The following RIF1 variants were observed in gnomAD, a reference collection of about 807,000 sequenced individuals.
RIF1 encodes the protein telomere-associated protein RIF1.
Under a neutral mutation model 247.1 loss-of-function variants are expected in RIF1, and 45 were observed. The observed-to-expected ratio is 0.18, with a 90% CI of 0.14 to 0.23. The LOEUF (loss-of-function observed/expected upper bound fraction) is 0.23, where lower values mean the gene tolerates loss of function less well. Ranked by LOEUF, RIF1 falls within the 10% of genes least tolerant of loss-of-function variation. RIF1 has a pLI of 1.00. For synonymous variants in RIF1, 1,087 were observed against 978.8 expected, an observed-to-expected ratio of 1.11 and a Z score of -2.06; for missense variants, 2,967 against 2,862.5, an observed-to-expected ratio of 1.04 and a Z score of -0.83.
intron 15 of RIF1, among the ~76,000 whole-genome samples, chr2:151,441,526 T>C (rs144241325): frequency 2.6e-3 from 391 of 152,352 alleles, no homozygotes; most frequent in African/African-American, 8.7e-3. Context: ...ATATCATTAG[T>C]GATTTACAGT....
At chr2:151,455,772 G>A (rs922394507) in intron 22 of RIF1, among the ~76,000 whole-genome samples, 63 of 152,120 alleles carry the variant, frequency 4.1e-4, no homozygotes, top group African/African-American at 1.5e-3. Flanking sequence ...GGAATTAGCC[G>A]CCACCATGCC....
chr2:151,498,577 G>A (rs1363912300), intron 10 of RIF1, among the ~76,000 whole-genome samples: 3 of 152,102 alleles, frequency 2.0e-5, no homozygotes, highest in African/African-American at 7.2e-5. Context: ...AAGAAAGGTT[G>A]TTATTTTCAT....
chr2:151,416,989 G>A (rs6735771), intron 6 of RIF1, 88 bp downstream of exon 6: 587,132 of 891,510 alleles, frequency 0.66, 194,909 homozygotes, highest in South Asian at 0.8. Flanking sequence ...ATGAGAGACA[G>A]ACATTAAAAG....
downstream of RIF1, among the ~76,000 whole-genome samples, chr2:151,483,900 GT>G (rs1437878842): frequency 1.3e-5 from 2 of 152,208 alleles, no homozygotes; most frequent in Non-Finnish European, 2.9e-5. Flanking sequence ...AGGTGGAACA[GT>G]TTCGTTCCCC....
At chr2:151,494,328 A>G (rs897856145) in intron 9 of RIF1, 3 of 982,766 alleles carry the variant, frequency 3.1e-6, no homozygotes, top group African/African-American at 3.3e-5. Flanking sequence ...AATGGTACAG[A>G]TAACTTTTGA....
chr2:151,424,426 A>G (rs1401224274), intron 8 of RIF1, among the ~76,000 whole-genome samples: 2 of 152,212 alleles, frequency 1.3e-5, no homozygotes, highest in South Asian at 2.1e-4. Context: ...AGATTTATCC[A>G]TGTCATAACA....
intron 9 of RIF1, chr2:151,493,268 G>A (rs2057967276): frequency 9.5e-7 from 1 of 1,048,154 alleles, no homozygotes; most frequent in Non-Finnish European, 1.4e-6. Context: ...GTGTTTTTCA[G>A]TTGAATGAGA....
intron 6 of RIF1, among the ~76,000 whole-genome samples, chr2:151,418,968 CTTTTTTTTTTTTTT>C (rs36020810): frequency 8.9e-6 from 1 of 111,774 alleles, no homozygotes; most frequent in African/African-American, 3.3e-5. Flanking sequence ...GCCTTAAATT[CTTTTTTTTTTTTTT>C]TTTTTTTTTA....
At chr2:151,487,913 A>T (rs1039939196) in intron 9 of RIF1, among the ~76,000 whole-genome samples, 1 of 152,096 alleles carries the variant, frequency 6.6e-6, no homozygotes, top group Non-Finnish European at 1.5e-5. Flanking sequence ...TCCTGACCTA[A>T]TTTTTTAAGT....
intron 3 of RIF1, among the ~76,000 whole-genome samples, chr2:151,414,300 A>T (rs1040339176): frequency 1.4e-5 from 2 of 148,106 alleles, no homozygotes; most frequent in African/African-American, 2.5e-5. Context: ...AAAAAAAAAA[A>T]TTTCTAGATT....
chr2:151,449,879 G>T (rs1024481138), intron 20 of RIF1, among the ~76,000 whole-genome samples: 4 of 128,758 alleles, frequency 3.1e-5, no homozygotes, highest in Admixed American at 9.0e-5. Context: ...TTTCACTCTT[G>T]TTGTCCAGGC....
chr2:151,442,905 G>A (rs183558083), intron 16 of RIF1, among the ~76,000 whole-genome samples: 4 of 151,076 alleles, frequency 2.6e-5, no homozygotes, highest in East Asian at 3.9e-4. Flanking sequence ...CCGAGTAGCT[G>A]GGACTACAGG....
intron 13 of RIF1, 115 bp from the exon 14 acceptor site, chr2:151,438,569 A>G: frequency 1.4e-6 from 1 of 706,058 alleles, no homozygotes; most frequent in East Asian, 2.7e-5. Flanking sequence ...GGAAAATTAA[A>G]TTAAGTATTG....
intron 6 of RIF1, among the ~76,000 whole-genome samples, chr2:151,419,617 C>A (rs1287352824): frequency 1.3e-5 from 2 of 152,126 alleles, no homozygotes; most frequent in Non-Finnish European, 2.9e-5. Context: ...AGCCACTGCA[C>A]CCGGCCGGTC....
At chr2:151,451,224 C>G (rs910739833) in intron 20 of RIF1, among the ~76,000 whole-genome samples, 1 of 152,106 alleles carries the variant, frequency 6.6e-6, no homozygotes, top group Non-Finnish European at 1.5e-5. Flanking sequence ...TGTGTCTTTT[C>G]GATGCTTAGA....
Position 151,476,879 on chromosome 2 carries a change from T to C in RIF1, c.*1808T>C, listed in dbSNP as rs1410291426. Reference sequence around the variant, plus strand: ...TGGGGCAGAGGGGAGCAGATTACTTTAACACACTTCAGAATTAAAATCAGT... The same window carrying C: ...TGGGGCAGAGGGGAGCAGATTACTTCAACACACTTCAGAATTAAAATCAGT... On this transcript the variant is annotated 3_prime_UTR_variant, in exon 36 of 36. Coordinates refer to ENST00000444746, the MANE Select transcript of RIF1 (RefSeq NM_018151.5). The C allele has an allele frequency of 6.6e-6, 1 of 152,178 alleles. No homozygotes were observed. The highest frequency in any genetic ancestry group is 1.5e-5 in the Non-Finnish European group (1 of 68,022). The allele number at this position is 152,178 out of a possible 1,614,324, so 9.4% of individuals were successfully genotyped here. A position where few individuals can be genotyped will look rare whatever the true frequency, so the allele number is the denominator to read the frequency against.
chr2:151,531,189 A>C, the RIF1 span: 1 of 839,188 alleles, frequency 1.2e-6, no homozygotes. Context: ...TCCTGAGTGA[A>C]TATAAAGGAA....
the RIF1 span, chr2:151,534,171 G>A: frequency 7.2e-7 from 1 of 1,390,952 alleles, no homozygotes; most frequent in Non-Finnish European, 1.0e-6. Context: ...GAGAAACTGG[G>A]AGCACAGTCC....
At chr2:151,517,748 C>T in the RIF1 span, among the ~76,000 whole-genome samples, 1 of 152,070 alleles carries the variant, frequency 6.6e-6, no homozygotes, top group African/African-American at 2.4e-5. Context: ...CTTGATACCT[C>T]TAAGCATAGA....
Sources: allele counts gnomAD v4.1 joint callset (sites outside exome capture counted in the v4.1 genomes callset), GRCh38; gene constraint gnomAD v4.1.1; transcripts MANE v1.5; gene names NCBI Gene and HGNC (gene_info 2026-07-23, HGNC 2026-07-21).